Variants in DAAM1 observed in about 807,000 individuals in gnomAD.
DAAM1 encodes the protein dishevelled associated activator of morphogenesis 1, also known as disheveled-associated activator of morphogenesis 1.
DAAM1 carries 52 observed loss-of-function variants against 130.0 expected under a neutral mutation model. That is an observed-to-expected ratio of 0.40 (90% confidence interval 0.32 to 0.50). The LOEUF (loss-of-function observed/expected upper bound fraction) is 0.50, where lower values mean the gene tolerates loss of function less well. Ranked by LOEUF, DAAM1 falls within the 20% of genes least tolerant of loss-of-function variation. The probability of loss-of-function intolerance (pLI) is 0.61; values close to 1 mark genes in which losing one functional copy is unlikely to be tolerated. For synonymous variants in DAAM1, 452 were observed against 444.5 expected (o/e 1.02, Z -0.21); for missense variants, 1,134 against 1,303.8 (o/e 0.87, Z 2.01).
At chr14:59,191,434 A>G (rs1360535714) in intron 1 of DAAM1, among the ~76,000 whole-genome samples, 1 of 152,020 alleles carries the variant, frequency 6.6e-6, no homozygotes, top group Non-Finnish European at 1.5e-5. Flanking sequence ...TCTTTAATAA[A>G]TATATGTTAA....
intron 24 of DAAM1, 24 bp downstream of exon 24, chr14:59,367,623 A>G: frequency 9.3e-6 from 15 of 1,605,192 alleles, no homozygotes; most frequent in Non-Finnish European, 1.3e-5. Flanking sequence ...TAATTGACCA[A>G]TTCCACCTCC....
At chr14:59,201,147 T>G (rs546787301) in intron 1 of DAAM1, among the ~76,000 whole-genome samples, 61 of 111,082 alleles carry the variant, frequency 5.5e-4, no homozygotes, top group African/African-American at 2.3e-3. Flanking sequence ...GGCGACAGAG[T>G]GAGACTCCGT....
intron 13 of DAAM1, 27 bp downstream of exon 13, chr14:59,330,715 C>A: frequency 6.3e-7 from 1 of 1,575,112 alleles, no homozygotes; most frequent in Non-Finnish European, 8.6e-7. Flanking sequence ...AGCTCACGGG[C>A]AGCTGCCAAG....
chr14:59,313,899 C>T (rs1415979977), intron 3 of DAAM1, among the ~76,000 whole-genome samples: 1 of 152,248 alleles, frequency 6.6e-6, no homozygotes, highest in Non-Finnish European at 1.5e-5. Context: ...CCTTAGTCCC[C>T]ATCATCTGGC....
At chr14:59,312,183 A>G (rs1884625632) in intron 3 of DAAM1, among the ~76,000 whole-genome samples, 1 of 152,218 alleles carries the variant, frequency 6.6e-6, no homozygotes, top group Non-Finnish European at 1.5e-5. Context: ...ACCAAAATTT[A>G]CTTCCAAACT....
At chr14:59,361,637 G>C (rs763706370) in intron 22 of DAAM1, among the ~76,000 whole-genome samples, 1 of 152,232 alleles carries the variant, frequency 6.6e-6, no homozygotes, top group Non-Finnish European at 1.5e-5. Context: ...TGGCAGACTG[G>C]ACCTGGTAGG....
intron 12 of DAAM1, among the ~76,000 whole-genome samples, chr14:59,327,205 A>G (rs1415671629): frequency 6.6e-6 from 1 of 152,010 alleles, no homozygotes; most frequent in Admixed American, 6.6e-5. Context: ...TTTTATTATA[A>G]TCATGTAAAT....
In DAAM1 at chr14:59,369,254, A is replaced by ACAAAC. The variant is rs1247347404; in HGVS notation, c.*395_*396insCAAAC. Reference sequence around the variant, plus strand: ...CAGAAGAAACAAACAAACAAACAAAAAAAGCTTGCAAAATATTTTATGGTT... The same window carrying ACAAAC: ...CAGAAGAAACAAACAAACAAACAAAACAAACAAAGCTTGCAAAATATTTTATGGTT... On this transcript the variant is annotated 3_prime_UTR_variant, in exon 25 of 25. Transcript: ENST00000360909. The ACAAAC allele has an allele frequency of 6.6e-6, 1 of 150,690 alleles. No homozygotes were observed. The highest frequency in any genetic ancestry group is 1.5e-5 in the Non-Finnish European group (1 of 67,212). The allele number at this position is 150,690 out of a possible 1,614,324, so 9.3% of individuals were successfully genotyped here. A position where few individuals can be genotyped will look rare whatever the true frequency, so the allele number is the denominator to read the frequency against.
chr14:59,211,160 T>C (rs1439731081), intron 1 of DAAM1, among the ~76,000 whole-genome samples: 1 of 152,152 alleles, frequency 6.6e-6, no homozygotes, highest in African/African-American at 2.4e-5. Context: ...GAGAAATAAA[T>C]CTTCTTCCAA....
intron 1 of DAAM1, among the ~76,000 whole-genome samples, chr14:59,195,930 A>G (rs1887876140): frequency 6.6e-6 from 1 of 151,378 alleles, no homozygotes; most frequent in South Asian, 2.1e-4. Flanking sequence ...TAGACTGTAC[A>G]TTGTGGACAT....
At chr14:59,317,856 C>T (rs1360988412) in intron 4 of DAAM1, among the ~76,000 whole-genome samples, 2 of 152,098 alleles carry the variant, frequency 1.3e-5, no homozygotes, top group African/African-American at 4.8e-5. Flanking sequence ...AACCCTGTGG[C>T]ATGTGAAAGA....
chr14:59,191,211 CACTT>C (rs968478046), intron 1 of DAAM1, among the ~76,000 whole-genome samples: 3 of 152,226 alleles, frequency 2.0e-5, no homozygotes, highest in African/African-American at 7.2e-5. Context: ...TGGTGGTTGA[CACTT>C]ACGATCTTAT....
chr14:59,289,767 G>GATATATATATATATATATATAT, intron 2 of DAAM1, among the ~76,000 whole-genome samples: 1,830 of 109,906 alleles, frequency 0.017, 80 homozygotes, highest in East Asian at 0.053. Context: ...AACAAAATGT[G>GATATATATATATATATATATAT]ATATATATAT....
At chr14:59,267,026 A>T (rs1882476471) in intron 2 of DAAM1, among the ~76,000 whole-genome samples, 1 of 152,246 alleles carries the variant, frequency 6.6e-6, no homozygotes. Flanking sequence ...CACCCCACAG[A>T]CAAATACTGC....
chr14:59,332,055 CGT>C, intron 15 of DAAM1, 135 bp downstream of exon 15: 1 of 714,786 alleles, frequency 1.4e-6, no homozygotes, highest in South Asian at 1.8e-5. Flanking sequence ...TGTGCATGTC[CGT>C]GTCTCCGTCC....
intron 1 of DAAM1, among the ~76,000 whole-genome samples, chr14:59,244,139 C>T (rs1881251468): frequency 6.6e-6 from 1 of 152,062 alleles, no homozygotes; most frequent in Admixed American, 6.5e-5. Context: ...TCACTTGGCT[C>T]TCTAATTCTC....
intron 1 of DAAM1, 80 bp from the exon 2 acceptor site, chr14:59,263,361 T>C: frequency 7.9e-7 from 1 of 1,272,754 alleles, no homozygotes; most frequent in South Asian, 1.4e-5. Flanking sequence ...CACGGAGCTC[T>C]TTCTTGAGTT....
intron 2 of DAAM1, among the ~76,000 whole-genome samples, chr14:59,272,672 A>ATGTAG (rs1882775749): frequency 9.2e-6 from 1 of 108,302 alleles, no homozygotes; most frequent in Non-Finnish European, 2.2e-5. Context: ...TGTATGTAGG[A>ATGTAG]GAGAGGGAGG....
chr14:59,246,142 G>A (rs1881359486), intron 1 of DAAM1, among the ~76,000 whole-genome samples: 1 of 152,110 alleles, frequency 6.6e-6, no homozygotes, highest in Admixed American at 6.5e-5. Context: ...TATTCACATT[G>A]TTGTGAAACA....
Sources: gnomAD v4.1 joint callset for allele counts (sites outside exome capture counted in the v4.1 genomes callset) on GRCh38, gnomAD v4.1.1 for gene constraint, MANE v1.5 for transcripts, NCBI Gene and HGNC (gene_info 2026-07-23, HGNC 2026-07-21) for gene names.